Variants in CCDC146 observed in about 807,000 individuals in gnomAD.
The protein encoded by CCDC146 is coiled-coil domain-containing protein 146.
A neutral mutation model predicts 119.3 loss-of-function variants in CCDC146; 92 were observed. The ratio of observed to expected loss-of-function variants is 0.77; its 90% CI spans 0.65 to 0.92. The LOEUF is 0.92. Ranked by LOEUF, CCDC146 falls within the 40% of genes least tolerant of loss-of-function variation. The pLI is 0.00. For missense variants in CCDC146, 1,000 were observed against 1,103.0 expected, an observed-to-expected ratio of 0.91 and a Z score of 1.32; for synonymous variants, 372 against 371.8, an observed-to-expected ratio of 1.00 and a Z score of -0.01.
At chr7:77,206,275 A>G (rs1399390510) in intron 2 of CCDC146, among the ~76,000 whole-genome samples, 2 of 152,120 alleles carry the variant, frequency 1.3e-5, no homozygotes, top group African/African-American at 2.4e-5. Flanking sequence ...CCTGCTTATC[A>G]CTTGTGTTTT....
chr7:77,133,773 C>T (rs942549997), intron 1 of CCDC146, among the ~76,000 whole-genome samples: 1 of 149,786 alleles, frequency 6.7e-6, no homozygotes, highest in East Asian at 2.0e-4. Context: ...GGTGCTACTC[C>T]ATCCTAACAA....
chr7:77,152,473 G>C (rs940153770), intron 1 of CCDC146, among the ~76,000 whole-genome samples: 1 of 152,188 alleles, frequency 6.6e-6, no homozygotes, highest in Non-Finnish European at 1.5e-5. Context: ...TTGTAGACAT[G>C]GGAGAGGGAA....
chr7:77,163,927 T>G (rs1027457377), intron 1 of CCDC146, among the ~76,000 whole-genome samples: 5 of 146,724 alleles, frequency 3.4e-5, no homozygotes, highest in Non-Finnish European at 6.0e-5. Flanking sequence ...TGGCACAATC[T>G]CGGCTCACTG....
chr7:77,168,600 A>C lies in CCDC146; in HGVS notation c.156+776A>C, dbSNP rs1791373921. On this transcript the variant is annotated intron_variant, in intron 2 of 18. Transcript: ENST00000285871. ...AAATTGGAACAGAATGCAATAAAAA[A>C]GTAATTTTAAAAATAATAGTGCTAT... 3.9e-5 allele frequency among the ~76,000 whole-genome samples: 6 copies of C among 152,148 alleles called. No individual in the cohort carries two copies. The South Asian group carries it at 1.2e-3, about 31-fold the overall frequency.
intron 4 of CCDC146, among the ~76,000 whole-genome samples, chr7:77,251,968 G>A (rs569548030): frequency 1.3e-5 from 2 of 152,260 alleles, no homozygotes; most frequent in African/African-American, 4.8e-5. Context: ...GGCTAACATG[G>A]TGAAACCCCG....
At chr7:77,199,811 C>T (rs754496549) in intron 2 of CCDC146, 1 of 1,606,934 alleles carries the variant, frequency 6.2e-7, no homozygotes, top group Non-Finnish European at 8.5e-7. Flanking sequence ...GTGCTGCTCA[C>T]CCCAGCAGGG....
At chr7:77,278,723 T>C in intron 11 of CCDC146, 29 bp from the exon 12 acceptor site, 1 of 1,484,748 alleles carries the variant, frequency 6.7e-7, no homozygotes, top group Non-Finnish European at 9.4e-7. Context: ...TATGTTGTTA[T>C]TTATTTCACA....
Position 77,214,498 on chromosome 7 carries a change from C to G in CCDC146, c.157-22449C>G, listed in dbSNP as rs547306407. Among the ~76,000 whole-genome samples, 9 of 152,076 alleles carry G rather than the reference C, an allele frequency of 5.9e-5. 1 individual carries two copies. In the South Asian group the frequency reaches 1.9e-3, roughly 32 times the overall value. The stretch of plus-strand genomic sequence containing the variant: ...TTGTTGTTGCATTTGCTTTTGAGGT[C>G]TTAGTCATAAATTCTTTTTCTAGTC... On this transcript the variant is annotated intron_variant, in intron 2 of 18. Coordinates refer to ENST00000285871, the MANE Select transcript of CCDC146 (RefSeq NM_020879.3).
At chr7:77,174,122 A>AT (rs1223593036) in intron 2 of CCDC146, among the ~76,000 whole-genome samples, 1 of 152,062 alleles carries the variant, frequency 6.6e-6, no homozygotes, top group Non-Finnish European at 1.5e-5. Context: ...GGCTTATCAT[A>AT]TATTAGTTTG....
At position 77,282,588 on chromosome 7, in the gene CCDC146, A is replaced by G. The variant is rs201989452; in HGVS notation, c.1951A>G (p.Ile651Val). The part of the protein sequence containing the change: ...GVQLIEREEE[I>V]CIFYEKINIQ... ...TCAGCTGATAGAGCGGGAAGAAGAA[A>G]TATGCATTTTTTATGAAAAAATAAA... Residue 651 changes from isoleucine to valine, a missense_variant, in exon 15 of 19, where the codon ATA becomes GTA. Transcript: ENST00000285871. 1.5e-5 allele frequency: 24 copies of G among 1,611,398 alleles called. No homozygotes were observed. Among genetic ancestry groups the G allele is most frequent in the Middle Eastern group, 1.6e-4 (1 of 6,074 alleles).
chr7:77,198,055 CA>C (rs1791909023), intron 2 of CCDC146: 1 of 846,274 alleles, frequency 1.2e-6, no homozygotes, highest in African/African-American at 1.8e-5. Context: ...GAAAAATAGA[CA>C]ATAGTCTTCA....
intron 9 of CCDC146, among the ~76,000 whole-genome samples, chr7:77,270,886 C>T (rs1793496615): frequency 6.6e-6 from 1 of 152,134 alleles, no homozygotes; most frequent in Admixed American, 6.5e-5. Context: ...GAGCAAAAGA[C>T]ATAAATGATT....
intron 1 of CCDC146, among the ~76,000 whole-genome samples, chr7:77,133,468 AT>A (rs1245017803): frequency 2.6e-5 from 4 of 151,918 alleles, no homozygotes; most frequent in Non-Finnish European, 4.4e-5. Context: ...CTCCTGCCTC[AT>A]CCCCACTTAG....
intron 2 of CCDC146, chr7:77,194,390 T>A (rs1325948077): frequency 6.6e-6 from 1 of 152,140 alleles, no homozygotes; most frequent in Non-Finnish European, 1.5e-5. Context: ...TTACATTTGG[T>A]ATCCCACCTA....
At chr7:77,233,688 C>T (rs1014782048) in intron 2 of CCDC146, among the ~76,000 whole-genome samples, 14 of 152,162 alleles carry the variant, frequency 9.2e-5, no homozygotes, top group African/African-American at 3.4e-4. Flanking sequence ...GGGGTTTATG[C>T]TCCTATGAGA....
At chr7:77,127,585 A>G (rs1419691576) in intron 1 of CCDC146, among the ~76,000 whole-genome samples, 1 of 152,060 alleles carries the variant, frequency 6.6e-6, no homozygotes, top group Non-Finnish European at 1.5e-5. Context: ...TCTGGTTTTG[A>G]TATTAGGGTA....
At chr7:77,266,672 G>A (rs992760703) in intron 9 of CCDC146, among the ~76,000 whole-genome samples, 7 of 151,820 alleles carry the variant, frequency 4.6e-5, no homozygotes, top group East Asian at 3.9e-4. Flanking sequence ...GATAAACCCC[G>A]GAAATGCCTC....
At chr7:77,160,683 G>A (rs932462128) in intron 1 of CCDC146, among the ~76,000 whole-genome samples, 1 of 152,128 alleles carries the variant, frequency 6.6e-6, no homozygotes, top group African/African-American at 2.4e-5. Flanking sequence ...AGACCATGGG[G>A]TTTTCTAGAT....
intron 18 of CCDC146, among the ~76,000 whole-genome samples, chr7:77,293,803 C>CGG (rs1793995493): frequency 6.6e-6 from 1 of 152,220 alleles, no homozygotes; most frequent in Non-Finnish European, 1.5e-5. Flanking sequence ...AATTAGGCAT[C>CGG]TCTTTCCAAG....
Sources: allele counts gnomAD v4.1 joint callset (sites outside exome capture counted in the v4.1 genomes callset), GRCh38; gene constraint gnomAD v4.1.1; transcripts MANE v1.5; gene names NCBI Gene and HGNC (gene_info 2026-07-23, HGNC 2026-07-21).